The following TAOK3 variants were observed in gnomAD, a reference collection of about 807,000 sequenced individuals.
TAOK3 encodes serine/threonine-protein kinase TAO3.
Under a neutral mutation model 120.4 loss-of-function variants are expected in TAOK3, and 40 were observed. The ratio of observed to expected loss-of-function variants is 0.33; its 90% CI spans 0.26 to 0.43. TAOK3 has a LOEUF of 0.43. TAOK3 is among the 20% of genes least tolerant of loss of function. The probability of loss-of-function intolerance (pLI) is 1.00; values close to 1 mark genes in which losing one functional copy is unlikely to be tolerated. For synonymous variants in TAOK3, 355 were observed against 387.5 expected, an observed-to-expected ratio of 0.92 and a Z score of 0.99; for missense variants, 821 against 1,112.1, an observed-to-expected ratio of 0.74 and a Z score of 3.72.
In TAOK3 at chr12:118,160,167, A is replaced by G; in HGVS notation, c.2331T>C (p.Asn777=). Residue 777 remains asparagine (N), a synonymous_variant, in exon 19 of 21, where the codon AAT becomes AAC. Transcript: ENST00000392533. The surrounding 1 kb of genome is among the most constrained non-coding windows in gnomAD (Gnocchi z 4.2). ...TTACCGCTTGAGAGGCCATCATTTC[A>G]TTTATACTCTGTTCATACTGCTCTG... ...ILAEQYEQSI[N]EMMASQALRL... 6.2e-7 allele frequency: 1 copy of G among 1,614,136 alleles called. No homozygotes were observed. Among genetic ancestry groups the G allele is most frequent in the Non-Finnish European group, 8.5e-7 (1 of 1,179,998 alleles).
chr12:118,283,051 C>A (rs866269450), intron 1 of TAOK3, among the ~76,000 whole-genome samples: 3 of 152,318 alleles, frequency 2.0e-5, no homozygotes, highest in Middle Eastern at 6.8e-3. Flanking sequence ...GTTTCTAATT[C>A]TGTCTCCTTA....
chr12:118,295,034 T>C (rs1355860256), intron 1 of TAOK3, among the ~76,000 whole-genome samples: 2 of 151,638 alleles, frequency 1.3e-5, no homozygotes, highest in African/African-American at 2.4e-5. Flanking sequence ...AGACTGGAAA[T>C]AGGAATTTGG....
chr12:118,326,435 TC>T (rs2043937861), intron 1 of TAOK3, among the ~76,000 whole-genome samples: 1 of 152,178 alleles, frequency 6.6e-6, no homozygotes, highest in African/African-American at 2.4e-5. Context: ...ATGTGATTCC[TC>T]CAGTTTTCTT....
intron 1 of TAOK3, among the ~76,000 whole-genome samples, chr12:118,281,448 G>C (rs1290776940): frequency 1.3e-5 from 2 of 152,070 alleles, no homozygotes; most frequent in South Asian, 4.1e-4. Context: ...TAACCACTTA[G>C]AATTATGAAG....
intron 1 of TAOK3, among the ~76,000 whole-genome samples, chr12:118,327,146 C>T (rs2043966796): frequency 6.6e-6 from 1 of 152,096 alleles, no homozygotes; most frequent in Non-Finnish European, 1.5e-5. Context: ...AGCAAAATAA[C>T]AAAGTTAATC....
intron 1 of TAOK3, among the ~76,000 whole-genome samples, chr12:118,356,339 G>A (rs1462975448): frequency 9.2e-5 from 12 of 131,110 alleles, no homozygotes; most frequent in Non-Finnish European, 1.7e-4. Context: ...CGGCTCTGTC[G>A]CTCAGGTTGG....
At chr12:118,174,733 G>A (rs1444799663) in intron 16 of TAOK3, among the ~76,000 whole-genome samples, 1 of 152,008 alleles carries the variant, frequency 6.6e-6, no homozygotes, top group Non-Finnish European at 1.5e-5. Context: ...TGTGATCTCG[G>A]CTTACTGCAA....
intron 3 of TAOK3, among the ~76,000 whole-genome samples, chr12:118,249,073 T>C (rs1010873808): frequency 1.3e-5 from 2 of 152,316 alleles, no homozygotes; most frequent in East Asian, 3.9e-4. Context: ...ACAGCCTCTA[T>C]CATTTCAAGT....
At chr12:118,366,630 A>G (rs1489432536) in intron 1 of TAOK3, among the ~76,000 whole-genome samples, 4 of 152,218 alleles carry the variant, frequency 2.6e-5, no homozygotes, top group Non-Finnish European at 5.9e-5. Context: ...AATATAAAGT[A>G]TACAATGTGA....
chr12:118,179,642 T>C (rs1008967058), intron 15 of TAOK3, among the ~76,000 whole-genome samples: 1 of 150,434 alleles, frequency 6.6e-6, no homozygotes, highest in Non-Finnish European at 1.5e-5. Flanking sequence ...CTTACCCTTC[T>C]GTTTTTTTTT....
At chr12:118,194,043 T>TAAA (rs1300613049) in intron 13 of TAOK3, among the ~76,000 whole-genome samples, 2 of 152,230 alleles carry the variant, frequency 1.3e-5, no homozygotes, top group Non-Finnish European at 2.9e-5. Context: ...TCTTTTGGAT[T>TAAA]ATTTAACAGA....
chr12:118,335,523 C>T (rs1032619800), intron 1 of TAOK3, among the ~76,000 whole-genome samples: 2 of 151,904 alleles, frequency 1.3e-5, no homozygotes, highest in Admixed American at 6.6e-5. Context: ...AAAATTTTTA[C>T]CAAATATTAA....
At chr12:118,194,756 C>T (rs553572793) in intron 13 of TAOK3, among the ~76,000 whole-genome samples, 1 of 151,546 alleles carries the variant, frequency 6.6e-6, no homozygotes, top group East Asian at 1.9e-4. Flanking sequence ...CTTTTTTTCC[C>T]CCTCCACCAG....
At chr12:118,208,311 G>C (rs940138429) in intron 11 of TAOK3, among the ~76,000 whole-genome samples, 23 of 152,026 alleles carry the variant, frequency 1.5e-4, no homozygotes, top group African/African-American at 5.6e-4. Flanking sequence ...AGATAGCTTA[G>C]CTGGGGGAAA....
chr12:118,274,118 AAAAAAAACAAACC>A (rs1210370948), intron 1 of TAOK3, among the ~76,000 whole-genome samples: 28 of 151,872 alleles, frequency 1.8e-4, no homozygotes, highest in Admixed American at 1.8e-3. Flanking sequence ...AGAACTGTCT[AAAAAAAACAAACC>A]AAAAAAACAA....
At chr12:118,295,056 A>C (rs943332464) in intron 1 of TAOK3, among the ~76,000 whole-genome samples, 14 of 147,138 alleles carry the variant, frequency 9.5e-5, no homozygotes, top group African/African-American at 3.5e-4. Context: ...AATGGTCAGC[A>C]TTTTTTTTTT....
chr12:118,368,148 C>T (rs1221455672), intron 1 of TAOK3, among the ~76,000 whole-genome samples: 1 of 152,194 alleles, frequency 6.6e-6, no homozygotes, highest in Non-Finnish European at 1.5e-5. Flanking sequence ...TGTGTGGCTG[C>T]TGTAAGCCTT....
rs528808480 is a variant in TAOK3 at position 118,225,534 on chromosome 12, T to C, written c.643+8140A>G. ...GATATAATAATTTTCAAGTAATTGC[T>C]GAGAAATTAAATGTTCTTGGTAATA... On this transcript the variant is annotated intron_variant, in intron 9 of 20. Transcript: ENST00000392533. Among the ~76,000 whole-genome samples, 21 of 152,318 alleles carry C rather than the reference T, an allele frequency of 1.4e-4. 1 individual carries two copies. The highest frequency in any genetic ancestry group is 2.1e-4 in the South Asian group (1 of 4,832).
chr12:118,317,362 G>A (rs921756519), intron 1 of TAOK3, among the ~76,000 whole-genome samples: 17 of 147,516 alleles, frequency 1.2e-4, no homozygotes, highest in Admixed American at 9.5e-4. Flanking sequence ...GCAGTGGCGC[G>A]ATCTTGGCTC....
Sources: gnomAD v4.1 joint callset for allele counts (sites outside exome capture counted in the v4.1 genomes callset) on GRCh38, gnomAD v4.1.1 for gene constraint, Gnocchi (gnomAD v3.1) non-coding constraint, MANE v1.5 for transcripts, NCBI Gene and HGNC (gene_info 2026-07-23, HGNC 2026-07-21) for gene names.